Variants in ROBO1 observed in about 807,000 individuals in gnomAD.
ROBO1 encodes the protein roundabout homolog 1.
ROBO1 carries 149 observed loss-of-function variants against 195.9 expected under a neutral mutation model. That is an observed-to-expected ratio of 0.76 (90% CI 0.67 to 0.87). The LOEUF (loss-of-function observed/expected upper bound fraction) is 0.87, where lower values mean the gene tolerates loss of function less well. ROBO1 is among the 40% of genes least tolerant of loss of function. The pLI is 0.00. For missense variants in ROBO1, 1,933 were observed against 2,068.3 expected (o/e 0.93, Z 1.27); for synonymous variants, 816 against 733.2 (o/e 1.11, Z -1.82).
At chr3:79,584,152 T>C (rs1435519422) in intron 2 of ROBO1, among the ~76,000 whole-genome samples, 1 of 151,648 alleles carries the variant, frequency 6.6e-6, no homozygotes, top group Non-Finnish European at 1.5e-5. Flanking sequence ...AATGGATAGA[T>C]AGAGTCTGAG....
Position 78,636,088 on chromosome 3 carries a change from T to C in ROBO1, c.3058A>G (p.Asn1020Asp). The change falls in exon 23 of 31, where the codon AAC becomes GAC. Residue 1020 changes from asparagine to aspartate, a missense_variant. Transcript: ENST00000464233. Reference sequence around the variant, plus strand: ...GTTTGTTTGTTATCCAGTTGGTTGTTATAATTTGCTATACAATCAGCTATG... The same window carrying C: ...GTTTGTTTGTTATCCAGTTGGTTGTCATAATTTGCTATACAATCAGCTATG... ...SRPADCIANY[N>D]NQLDNKQTNL... 6.2e-7 allele frequency: 1 copy of C among 1,611,458 alleles called. No homozygotes were observed. The highest frequency in any genetic ancestry group is 1.1e-5 in the South Asian group (1 of 90,952).
At chr3:79,724,351 C>T (rs1263606573) in intron 1 of ROBO1, among the ~76,000 whole-genome samples, 2 of 152,178 alleles carry the variant, frequency 1.3e-5, no homozygotes, top group Non-Finnish European at 2.9e-5. Context: ...TAAGCTATTA[C>T]GTTTCTCAAT....
At chr3:79,280,769 A>C (rs1186871682) in intron 2 of ROBO1, among the ~76,000 whole-genome samples, 1 of 152,146 alleles carries the variant, frequency 6.6e-6, no homozygotes, top group Non-Finnish European at 1.5e-5. Context: ...CAGATCATCA[A>C]GCATTCGATT....
chr3:78,973,575 CTATATA>C (rs58598961), intron 3 of ROBO1, among the ~76,000 whole-genome samples: 4,341 of 129,370 alleles, frequency 0.034, 234 homozygotes, highest in African/African-American at 0.11. Context: ...ATATATGAAG[CTATATA>C]TATATATATA....
At chr3:78,968,845 T>A (rs2076704371) in intron 3 of ROBO1, among the ~76,000 whole-genome samples, 1 of 152,230 alleles carries the variant, frequency 6.6e-6, no homozygotes, top group Admixed American at 6.5e-5. Flanking sequence ...CTGGTAAGGT[T>A]AAAAGATGAA....
chr3:79,575,187 T>TATATATAAATATATATAAA (rs1560007267), intron 2 of ROBO1, among the ~76,000 whole-genome samples: 1 of 113,200 alleles, frequency 8.8e-6, no homozygotes, highest in African/African-American at 3.7e-5. Context: ...ATATATAACA[T>TATATATAAATATATATAAA]ATATATAAAT....
In ROBO1 at chr3:79,675,849, G is replaced by T. The variant is rs557029541; in HGVS notation, c.-50-85888C>A. ...CAAATTCTGAAGACAGTCTAAGAAG[G>T]TTTCTATCAGGTTCAGAACATGCTG... On this transcript the variant is annotated intron_variant, in intron 1 of 30. Coordinates refer to ENST00000464233, the MANE Select transcript of ROBO1 (RefSeq NM_002941.4). Among the ~76,000 whole-genome samples, 80 of 152,116 alleles carry T rather than the reference G, an allele frequency of 5.3e-4. No individual in the cohort carries two copies. In the Middle Eastern group the frequency reaches 0.01, roughly 20 times the overall value.
chr3:78,919,377 T>G (rs2038812385), intron 4 of ROBO1, among the ~76,000 whole-genome samples: 1 of 152,110 alleles, frequency 6.6e-6, no homozygotes, highest in Non-Finnish European at 1.5e-5. Context: ...TCTGACAATA[T>G]AAAACAAGCA....
chr3:79,692,631 CAG>C (rs1300799223), intron 1 of ROBO1, among the ~76,000 whole-genome samples: 12 of 151,734 alleles, frequency 7.9e-5, no homozygotes, highest in Admixed American at 4.6e-4. Context: ...GGCATAGAAG[CAG>C]AGAGTGGAAT....
intron 3 of ROBO1, among the ~76,000 whole-genome samples, chr3:78,997,242 G>T (rs572816003): frequency 1.2e-4 from 19 of 152,248 alleles, no homozygotes; most frequent in Admixed American, 2.6e-4. Context: ...TTTTTGGGGG[G>T]TGTGGAATAA....
At chr3:79,591,957 T>C (rs1207030465) in intron 1 of ROBO1, among the ~76,000 whole-genome samples, 3 of 151,854 alleles carry the variant, frequency 2.0e-5, no homozygotes, top group East Asian at 3.9e-4. Context: ...CTTAAATGTG[T>C]ATAAGCAGTT....
intron 3 of ROBO1, among the ~76,000 whole-genome samples, chr3:78,996,233 C>T (rs952203881): frequency 1.5e-4 from 23 of 152,028 alleles, no homozygotes; most frequent in African/African-American, 5.5e-4. Context: ...CACCTGTAAT[C>T]CCAGCACTTT....
rs1008609918 is a variant in ROBO1 at position 78,813,237 on chromosome 3, T to C, written c.500-66337A>G. On this transcript the variant is annotated intron_variant, in intron 4 of 30. Coordinates refer to ENST00000464233, the MANE Select transcript of ROBO1 (RefSeq NM_002941.4). ...TATTACTCATTTATTATAGAAGTTT[T>C]ACATGCACACACACACACACACACA... Among the ~76,000 whole-genome samples the C allele has an allele frequency of 4.3e-5, 3 of 69,760 alleles. No homozygotes were observed. In the Admixed American group the frequency reaches 4.7e-4, roughly 11 times the overall value. The allele number at this position is 69,760 out of a possible 152,430, so 45.8% of individuals were successfully genotyped here.
intron 3 of ROBO1, among the ~76,000 whole-genome samples, chr3:79,015,607 C>T (rs1030185191): frequency 6.6e-5 from 10 of 152,172 alleles, no homozygotes; most frequent in African/African-American, 1.7e-4. Context: ...CCTCCCACCC[C>T]GCAAACTCAC....
intron 2 of ROBO1, among the ~76,000 whole-genome samples, chr3:79,397,453 G>T (rs781421149): frequency 6.6e-6 from 1 of 152,096 alleles, no homozygotes; most frequent in Non-Finnish European, 1.5e-5. Flanking sequence ...TTCTGGCAAA[G>T]CATCTAAAAA....
intron 2 of ROBO1, among the ~76,000 whole-genome samples, chr3:79,579,670 T>C (rs760843526): frequency 2.0e-5 from 3 of 152,188 alleles, no homozygotes; most frequent in Admixed American, 6.5e-5. Context: ...TTCAGTTTAT[T>C]AAAAGAACAT....
Position 79,502,496 on chromosome 3 carries a change from C to T in ROBO1, c.88+87328G>A, listed in dbSNP as rs2107506147. On this transcript the variant is annotated intron_variant, in intron 2 of 30. Coordinates refer to ENST00000464233, the MANE Select transcript of ROBO1 (RefSeq NM_002941.4). ...CCCGCCATGCCTGAGTCTCCCCCCG[C>T]CCCTTCCCCACCGCCATGGGCTCCT... Among the ~76,000 whole-genome samples the T allele has an allele frequency of 2.0e-5, 3 of 152,230 alleles. No homozygotes were observed. The Middle Eastern group carries it at 0.01, about 518-fold the overall frequency.
intron 2 of ROBO1, among the ~76,000 whole-genome samples, chr3:79,489,954 A>G (rs1294246159): frequency 1.3e-5 from 2 of 152,204 alleles, no homozygotes; most frequent in Admixed American, 1.3e-4. Context: ...AGAATTTGGC[A>G]TCTCTTCTGA....
intron 19 of ROBO1, among the ~76,000 whole-genome samples, chr3:78,648,788 A>G (rs1269496756): frequency 6.6e-6 from 1 of 152,064 alleles, no homozygotes; most frequent in African/African-American, 2.4e-5. Flanking sequence ...CTTATCATGT[A>G]TCAAAACACT....
Sources: allele counts gnomAD v4.1 joint callset (sites outside exome capture counted in the v4.1 genomes callset), GRCh38; gene constraint gnomAD v4.1.1; transcripts MANE v1.5; gene names NCBI Gene and HGNC (gene_info 2026-07-23, HGNC 2026-07-21).